The following TNRC6A variants were observed in gnomAD, a reference collection of about 807,000 sequenced individuals.
The protein encoded by TNRC6A is trinucleotide repeat containing adaptor 6A.
A neutral mutation model predicts 221.2 loss-of-function variants in TNRC6A; 44 were observed. That is an observed-to-expected ratio of 0.20 (90% confidence interval 0.16 to 0.26). The LOEUF (loss-of-function observed/expected upper bound fraction) is 0.26. Ranked by LOEUF, TNRC6A falls within the 10% of genes least tolerant of loss-of-function variation. TNRC6A has a pLI of 1.00. For synonymous variants in TNRC6A, 847 were observed against 838.5 expected, an observed-to-expected ratio of 1.01 and a Z score of -0.18; for missense variants, 2,199 against 2,404.4, an observed-to-expected ratio of 0.91 and a Z score of 1.79.
chr16:24,648,622 T>G (rs929834308), intron 2 of TNRC6A, among the ~76,000 whole-genome samples: 1 of 152,182 alleles, frequency 6.6e-6, no homozygotes, highest in Non-Finnish European at 1.5e-5. Flanking sequence ...GGAAGTTTTC[T>G]AGTTTGTCTG....
intron 2 of TNRC6A, among the ~76,000 whole-genome samples, chr16:24,670,395 G>A (rs1328747112): frequency 6.6e-6 from 1 of 152,128 alleles, no homozygotes; most frequent in Non-Finnish European, 1.5e-5. Context: ...CTTCAGGACT[G>A]CAGAAACAAC....
intron 13 of TNRC6A, 53 bp downstream of exon 13, chr16:24,804,904 T>C: frequency 9.3e-6 from 15 of 1,613,532 alleles, no homozygotes; most frequent in Non-Finnish European, 1.3e-5. Context: ...GTATTAGTAA[T>C]AAGATCTCTC....
chr16:24,777,104 AGCC>A lies in TNRC6A; in HGVS notation c.336_338del (p.Pro113del). On this transcript the variant is annotated inframe_deletion, in exon 5 of 25. Coordinates refer to ENST00000395799, the MANE Select transcript of TNRC6A (RefSeq NM_014494.4). Reference sequence around the variant, plus strand: ...CCGCAGCAGCAGCAGCCACAGCAGCAGCCACAGCCGCAGCCGCAGCAGCAGCAG... The same window carrying A: ...CCGCAGCAGCAGCAGCCACAGCAGCAACAGCCGCAGCCGCAGCAGCAGCAG... 9.2e-7 allele frequency: 1 copy of A among 1,090,886 alleles called. No homozygotes were observed. Among genetic ancestry groups the A allele is most frequent in the Non-Finnish European group, 1.3e-6 (1 of 768,690 alleles). The allele number at this position is 1,090,886 out of a possible 1,614,324, so 67.6% of individuals were successfully genotyped here. A position where few individuals can be genotyped will look rare whatever the true frequency, so the allele number is the denominator to read the frequency against.
chr16:24,611,543 G>T (rs1900055689), intron 1 of TNRC6A, among the ~76,000 whole-genome samples: 1 of 152,100 alleles, frequency 6.6e-6, no homozygotes, highest in Non-Finnish European at 1.5e-5. Context: ...AGAAACCAGG[G>T]CTCAAAGCAG....
chr16:24,685,186 C>A (rs115990503), intron 2 of TNRC6A, among the ~76,000 whole-genome samples: 1 of 152,042 alleles, frequency 6.6e-6, no homozygotes, highest in African/African-American at 2.4e-5. Flanking sequence ...TTCCGGGGCC[C>A]GACATAGTGC....
intron 1 of TNRC6A, among the ~76,000 whole-genome samples, chr16:24,618,957 C>T (rs1306759125): frequency 6.6e-6 from 1 of 152,046 alleles, no homozygotes; most frequent in Non-Finnish European, 1.5e-5. Context: ...CTGAATAGTA[C>T]AGTAGTTCAT....
intron 6 of TNRC6A, 67 bp downstream of exon 6, chr16:24,791,884 A>G (rs2058109798): frequency 2.1e-6 from 3 of 1,417,872 alleles, no homozygotes; most frequent in Admixed American, 6.4e-5. Context: ...TTGTATAACA[A>G]AGTACTTGGA....
chr16:24,793,194 A>C lies in TNRC6A; in HGVS notation c.3176-279A>C, dbSNP rs559734608. Among the ~76,000 whole-genome samples, 3 of 152,334 alleles carry C rather than the reference A, an allele frequency of 2.0e-5. No individual in the cohort carries two copies. The East Asian group carries it at 5.8e-4, about 29-fold the overall frequency. ...TTTTCAGGAATTAAACTGATGCTCA[A>C]AGGAGAGTGGTTTTCCATAACTATG... On this transcript the variant is annotated intron_variant, in intron 6 of 24. Transcript: ENST00000395799.
At chr16:24,731,714 G>A (rs1335707096) in intron 2 of TNRC6A, among the ~76,000 whole-genome samples, 4 of 152,156 alleles carry the variant, frequency 2.6e-5, no homozygotes, top group African/African-American at 9.7e-5. Flanking sequence ...CTATGAAGGT[G>A]CTCTAGTACT....
rs184872150 is a variant in TNRC6A, at chr16:24,707,874, C to A, written n.403-42852C>A. On this transcript the variant is annotated intron_variant and non_coding_transcript_variant, in intron 2 of 2. Coordinates refer to the TNRC6A transcript ENST00000566108. ...AGGAGTTCAAGACCAGCCTGGCCAA[C>A]ATGTCAAAACCCTGTCTCTACAAAA... Among the ~76,000 whole-genome samples the A allele has an allele frequency of 1.6e-3, 251 of 152,248 alleles. 5 individuals carry two copies. Among genetic ancestry groups the A allele is most frequent in the Admixed American group, 0.016 (239 of 15,266 alleles).
In TNRC6A at chr16:24,695,696, C is replaced by G. The variant is rs181713276; in HGVS notation, n.402+54687C>G. ...TACAGGCGTGAGCCACCCCGCCTGG[C>G]CTTCCAAAAGTTTTTACAGCTGTGG... On this transcript the variant is annotated intron_variant and non_coding_transcript_variant, in intron 2 of 2. Transcript: ENST00000566108. Among the ~76,000 whole-genome samples the G allele has an allele frequency of 1.0e-3, 155 of 152,184 alleles. 2 individuals are homozygous for G. The East Asian group carries it at 0.025, about 25-fold the overall frequency.
At chr16:24,670,092 G>T (rs1373332303) in intron 2 of TNRC6A, among the ~76,000 whole-genome samples, 1 of 151,482 alleles carries the variant, frequency 6.6e-6, no homozygotes, top group African/African-American at 2.4e-5. Context: ...TGAGACTACA[G>T]GTGCATGCCA....
At chr16:24,644,505 G>A (rs1272823784) in intron 2 of TNRC6A, among the ~76,000 whole-genome samples, 1 of 152,040 alleles carries the variant, frequency 6.6e-6, no homozygotes, top group African/African-American at 2.4e-5. Context: ...CGTTGCCCAG[G>A]CTGGTCTTAA....
intron 2 of TNRC6A, among the ~76,000 whole-genome samples, chr16:24,702,226 G>A (rs1473168869): frequency 2.1e-5 from 3 of 141,144 alleles, no homozygotes; most frequent in African/African-American, 5.3e-5. Context: ...CACCCAGGCT[G>A]GAGTGCAATG....
chr16:24,706,118 A>T (rs1234590673), intron 2 of TNRC6A, among the ~76,000 whole-genome samples: 3 of 152,208 alleles, frequency 2.0e-5, no homozygotes, highest in Non-Finnish European at 4.4e-5. Context: ...CATCAGCAAC[A>T]ACAAAAATGT....
rs2055166839 is a variant in TNRC6A at position 24,666,575 on chromosome 16, G to T, written n.402+25566G>T. On this transcript the variant is annotated intron_variant and non_coding_transcript_variant, in intron 2 of 2. Transcript: ENST00000566108. Reference sequence around the variant, plus strand: ...AGATCACTTGAGCCCCAGAGGTCAAGGCTGCCAATGAGCTATTGGCACTGC... The same window carrying T: ...AGATCACTTGAGCCCCAGAGGTCAATGCTGCCAATGAGCTATTGGCACTGC... Among the ~76,000 whole-genome samples, 7 of 138,532 alleles carry T rather than the reference G, an allele frequency of 5.1e-5. No homozygotes were observed. The South Asian group carries it at 1.7e-3, about 33-fold the overall frequency. 90.9% of individuals were successfully genotyped at this position (138,532 alleles called of 152,430 possible).
At chr16:24,814,798 A>T (rs1422933270) in intron 18 of TNRC6A, among the ~76,000 whole-genome samples, 1 of 152,192 alleles carries the variant, frequency 6.6e-6, no homozygotes, top group African/African-American at 2.4e-5. Flanking sequence ...TTGTGTAGCC[A>T]TCACCACAAT....
At chr16:24,772,932 A>G (rs1022899647) in intron 4 of TNRC6A, among the ~76,000 whole-genome samples, 4 of 152,314 alleles carry the variant, frequency 2.6e-5, no homozygotes, top group Middle Eastern at 3.4e-3. Flanking sequence ...AGTCAGTGTT[A>G]AATTACTCCC....
chr16:24,730,977 A>AG (rs1555496077), intron 2 of TNRC6A, among the ~76,000 whole-genome samples: 2 of 145,404 alleles, frequency 1.4e-5, no homozygotes, highest in African/African-American at 5.1e-5. Context: ...TGAAGGGAGA[A>AG]TTTTTTTTTT....
Sources: allele counts gnomAD v4.1 joint callset (sites outside exome capture counted in the v4.1 genomes callset), GRCh38; gene constraint gnomAD v4.1.1; transcripts MANE v1.5; gene names NCBI Gene and HGNC (gene_info 2026-07-23, HGNC 2026-07-21).